Variants in CAPN11 observed in about 807,000 individuals in gnomAD.
The protein encoded by CAPN11 is calpain-11.
A neutral mutation model predicts 105.3 loss-of-function variants in CAPN11; 108 were observed. The ratio of observed to expected loss-of-function variants is 1.03; its 90% CI spans 0.88 to 1.20. CAPN11 has a LOEUF of 1.20. Ranked by LOEUF, CAPN11 falls within the 50% of genes most tolerant of loss-of-function variation. The pLI is 0.00. For synonymous variants in CAPN11, 329 were observed against 344.5 expected (o/e 0.96, Z 0.50); for missense variants, 883 against 924.8 (o/e 0.95, Z 0.59).
chr6:44,164,178 G>T (rs1203661668), intron 1 of CAPN11, among the ~76,000 whole-genome samples: 2 of 152,118 alleles, frequency 1.3e-5, no homozygotes, highest in Non-Finnish European at 2.9e-5. Flanking sequence ...TCTCAAAAAA[G>T]TGTATCTATG....
At position 44,172,365 on chromosome 6, in the gene CAPN11, T is replaced by G. The variant is rs1393381251; in HGVS notation, c.473T>G (p.Val158Gly). 1 of 1,562,342 alleles carries G rather than the reference T, an allele frequency of 6.4e-7. No individual in the cohort carries two copies. The highest frequency in any genetic ancestry group is 8.7e-7 in the Non-Finnish European group (1 of 1,153,480). Residue 158 changes from valine (V) to glycine (G), a missense_variant, in exon 5 of 23, where the codon GTG (valine) becomes GGG (glycine). Coordinates refer to ENST00000398776, the MANE Select transcript of CAPN11 (RefSeq NM_007058.4). ...LTTCPKLLYRVVPRGQSFKKN... is the reference protein window; with the variant it reads ...LTTCPKLLYRGVPRGQSFKKN... ...ACCTGCCCCAAACTGCTATACCGCG[T>G]GGTGCCCAGAGGACAGAGCTTCAAG...
In CAPN11 at chr6:44,182,954, A is replaced by C; in HGVS notation, c.1952A>C (p.Glu651Ala). 1 of 1,608,628 alleles carries C rather than the reference A, an allele frequency of 6.2e-7. No homozygotes were observed. Among genetic ancestry groups the C allele is most frequent in the Non-Finnish European group, 8.5e-7 (1 of 1,176,976 alleles). Residue 651 changes from glutamate (E) to alanine (A), a missense_variant, in exon 20 of 23, where the codon GAG (glutamate) becomes GCG (alanine). Transcript: ENST00000398776. Reference sequence around the variant, plus strand: ...CTGTCTCTTCAGGACATCTTCAGAGAGTGTGACCAGGACCATTCAGGCACC... The same window carrying C: ...CTGTCTCTTCAGGACATCTTCAGAGCGTGTGACCAGGACCATTCAGGCACC... ...KLKKWMDIFR[E>A]CDQDHSGTLN...
At position 44,177,739 on chromosome 6, in the gene CAPN11, G is replaced by A. The variant is rs116760158; in HGVS notation, c.1416+319G>A. 6.9e-3 allele frequency among the ~76,000 whole-genome samples: 1,056 copies of A among 152,112 alleles called. 7 individuals carry two copies. The highest frequency in any genetic ancestry group is 0.023 in the South Asian group (109 of 4,820). On this transcript the variant is annotated intron_variant, in intron 12 of 22. Coordinates refer to ENST00000398776, the MANE Select transcript of CAPN11 (RefSeq NM_007058.4). ...TGACCTCAGGTAATCTGCCTGTCTCGGCCTCCCAAAGTGTTGGAATTACAG... is the reference window on the plus strand; with the variant it reads ...TGACCTCAGGTAATCTGCCTGTCTCAGCCTCCCAAAGTGTTGGAATTACAG...
In CAPN11 at chr6:44,181,304, AACTC is replaced by A. The variant is rs766026344; in HGVS notation, c.1924_1927del (p.Leu642ArgfsTer18). On this transcript the variant is annotated frameshift_variant, in exon 19 of 23. Coordinates refer to ENST00000398776, the MANE Select transcript of CAPN11 (RefSeq NM_007058.4). LOFTEE classifies it high-confidence loss of function. ...CTAGAGTTCAAGATCCTGTGGAAAA[AACTC>A]AAGAAATGGATGGTAAAGGGCACTA... 1 of 1,613,360 alleles carries A rather than the reference AACTC, an allele frequency of 6.2e-7. No individual in the cohort carries two copies. Among genetic ancestry groups the A allele is most frequent in the South Asian group, 1.1e-5 (1 of 91,078 alleles).
chr6:44,176,193 A>AGGAGGAGAACGTCTCCCTGACC (rs142573641), intron 8 of CAPN11, 42 bp downstream of exon 8: 155,670 of 1,592,570 alleles, frequency 0.098, 8,699 homozygotes, highest in African/African-American at 0.18. Context: ...GACCCTGAGA[A>AGGAGGAGAACGTCTCCCTGACC]GGAGGAGAAC....
intron 19 of CAPN11, 146 bp downstream of exon 19, chr6:44,181,466 C>CACTCACAG: frequency 2.6e-6 from 1 of 391,098 alleles, no homozygotes; most frequent in Admixed American, 4.6e-5. Flanking sequence ...CACACACACA[C>CACTCACAG]ACTCACATAC....
chr6:44,174,719 A>C (rs1771667358), intron 7 of CAPN11, among the ~76,000 whole-genome samples: 1 of 149,890 alleles, frequency 6.7e-6, no homozygotes, highest in African/African-American at 2.5e-5. Flanking sequence ...TCCTGGGTTC[A>C]AGAGATTTTC....
At position 44,183,915 on chromosome 6, in the gene CAPN11, A is replaced by T. The variant is rs1774192298; in HGVS notation, c.2203A>T (p.Met735Leu). The change falls in exon 23 of 23, where the codon ATG (methionine) becomes TTG (leucine). Residue 735 changes from methionine (M) to leucine (L), a missense_variant. By Grantham distance (15) the Met-to-Leu change is conservative. Transcript: ENST00000398776. ...CTTCCTGTCTCCACAGTGGCTGCAG[A>T]TGACCATGTGGGGATAGAGGCGCTG... is the stretch of plus-strand genomic sequence containing the variant. ...ICLSLEQWLQ[M>L]TMWG 6.4e-7 allele frequency: 1 copy of T among 1,557,394 alleles called. No homozygotes were observed. Among genetic ancestry groups the T allele is most frequent in the African/African-American group, 1.4e-5 (1 of 73,232 alleles).
chr6:44,183,626 T>A, intron 21 of CAPN11, 79 bp from the exon 22 acceptor site: 1 of 1,367,240 alleles, frequency 7.3e-7, no homozygotes, highest in East Asian at 2.3e-5. Context: ...TGTCGCCCCT[T>A]CCTACCTAGT....
intron 1 of CAPN11, among the ~76,000 whole-genome samples, chr6:44,164,051 C>T (rs549243018): frequency 6.1e-4 from 93 of 152,108 alleles, no homozygotes; most frequent in African/African-American, 2.1e-3. Flanking sequence ...CACCATGTTC[C>T]CCTTGCTGGT....
chr6:44,170,236 A>C (rs1206855107), intron 4 of CAPN11, among the ~76,000 whole-genome samples: 1 of 152,140 alleles, frequency 6.6e-6, no homozygotes, highest in South Asian at 2.1e-4. Flanking sequence ...TACATAATAA[A>C]TTACCTAGGA....
Position 44,184,102 on chromosome 6 carries a change from C to T in CAPN11, c.*170C>T. 3.0e-6 allele frequency: 2 copies of T among 656,714 alleles called. No individual in the cohort carries two copies. Among genetic ancestry groups the T allele is most frequent in the Non-Finnish European group, 5.2e-6 (2 of 383,062 alleles). The allele number at this position is 656,714 out of a possible 1,614,324, so 40.7% of individuals were successfully genotyped here. A position where few individuals can be genotyped will look rare whatever the true frequency, so the allele number is the denominator to read the frequency against. On this transcript the variant is annotated 3_prime_UTR_variant, in exon 23 of 23. Transcript: ENST00000398776. ...TGCCGTGTTTACTGCAGCAGTGGGA[C>T]CTCCGTGCCCACTCCCCCAGCTCAG...
chr6:44,171,373 T>C (rs958779697), intron 4 of CAPN11, among the ~76,000 whole-genome samples: 1 of 152,188 alleles, frequency 6.6e-6, no homozygotes, highest in Non-Finnish European at 1.5e-5. Flanking sequence ...CCAGGGACCC[T>C]GCTGGGGCAC....
chr6:44,178,094 C>G (rs1467543241), intron 12 of CAPN11, among the ~76,000 whole-genome samples: 12 of 152,288 alleles, frequency 7.9e-5, no homozygotes, highest in African/African-American at 2.6e-4. Context: ...GTGCTTTGTG[C>G]CTTTCAAGCC....
At chr6:44,177,488 C>CTT (rs1772288929) in intron 12 of CAPN11, 68 bp downstream of exon 12, 1 of 1,411,186 alleles carries the variant, frequency 7.1e-7, no homozygotes, top group Non-Finnish European at 9.6e-7. Context: ...TTCTTTCTTT[C>CTT]TTTCTTTTTT....
At chr6:44,162,229 CAG>C (rs900650849) in intron 1 of CAPN11, among the ~76,000 whole-genome samples, 5 of 152,102 alleles carry the variant, frequency 3.3e-5, no homozygotes, top group Non-Finnish European at 7.4e-5. Flanking sequence ...AGATAGGGAT[CAG>C]GGGCTGAAAC....
rs200893630 is a variant in CAPN11 at position 44,177,235 on chromosome 6, G to T, written c.1238-7G>T. ...CGTATAACCACGCTGACCCACTTCC[G>T]CCACAGGCACGTTCTGGACCAACCC... On this transcript the variant is annotated splice_region_variant and splice_polypyrimidine_tract_variant and intron_variant, in intron 11 of 22. Coordinates refer to ENST00000398776, the MANE Select transcript of CAPN11 (RefSeq NM_007058.4). 1 of 1,570,320 alleles carries T rather than the reference G, an allele frequency of 6.4e-7. No homozygotes were observed. The highest frequency in any genetic ancestry group is 8.6e-7 in the Non-Finnish European group (1 of 1,157,198).
In CAPN11 at chr6:44,180,956, T is replaced by G; in HGVS notation, c.1828T>G (p.Phe610Val). 6.2e-7 allele frequency: 1 copy of G among 1,613,746 alleles called. No individual in the cohort carries two copies. The change falls in exon 18 of 23, where the codon TTT becomes GTT. Residue 610 changes from phenylalanine (F) to valine (V), a missense_variant. By Grantham distance (50) the Phe-to-Val change is conservative (BLOSUM62 -1). Coordinates refer to ENST00000398776, the MANE Select transcript of CAPN11 (RefSeq NM_007058.4). The part of the protein sequence containing the change: ...IKFKSFKTKG[F>V]GLDACRCMIN... ...AGTCAAAAGCTTCAAGACCAAGGGC[T>G]TTGGCCTGGATGCTTGCCGCTGCAT...
intron 7 of CAPN11, among the ~76,000 whole-genome samples, chr6:44,174,515 C>CAA (rs66536720): frequency 1.7e-4 from 13 of 77,280 alleles, no homozygotes; most frequent in South Asian, 4.5e-4. Context: ...TCATCTCTAC[C>CAA]AAAAAAAAAA....
Sources: gnomAD v4.1 joint callset for allele counts (sites outside exome capture counted in the v4.1 genomes callset) on GRCh38, gnomAD v4.1.1 for gene constraint, MANE v1.5 for transcripts, NCBI Gene and HGNC (gene_info 2026-07-23, HGNC 2026-07-21) for gene names.